Variants in RGS7 observed in about 807,000 individuals in gnomAD.
RGS7 encodes regulator of G protein signaling 7.
Under a neutral mutation model 81.1 loss-of-function variants are expected in RGS7, and 27 were observed. That is an observed-to-expected ratio of 0.33 (90% CI 0.25 to 0.46). The LOEUF is 0.46. RGS7 is among the 20% of genes least tolerant of loss of function. The pLI, the probability that RGS7 is intolerant of heterozygous loss-of-function variation, is 1.00. For missense variants in RGS7, 396 were observed against 607.4 expected (o/e 0.65, Z 3.66); for synonymous variants, 208 against 207.7 (o/e 1.00, Z -0.01).
At chr1:240,951,340 A>G (rs899021887) in intron 4 of RGS7, among the ~76,000 whole-genome samples, 1 of 152,246 alleles carries the variant, frequency 6.6e-6, no homozygotes, top group East Asian at 1.9e-4. Flanking sequence ...GAATTATCAG[A>G]CAGGAAGTTT....
intron 2 of RGS7, among the ~76,000 whole-genome samples, chr1:241,337,462 C>A (rs1476501537): frequency 6.6e-6 from 1 of 152,086 alleles, no homozygotes; most frequent in Non-Finnish European, 1.5e-5. Flanking sequence ...GGTTCCTGCA[C>A]AATTTTTCTT....
intron 3 of RGS7, among the ~76,000 whole-genome samples, chr1:241,032,942 T>C (rs577508637): frequency 2.0e-5 from 3 of 151,010 alleles, no homozygotes; most frequent in Non-Finnish European, 4.4e-5. Context: ...TAATTTGATT[T>C]CCTCTTTTCC....
chr1:240,879,981 T>C (rs1445957472), intron 6 of RGS7, among the ~76,000 whole-genome samples: 1 of 152,238 alleles, frequency 6.6e-6, no homozygotes, highest in Non-Finnish European at 1.5e-5. Flanking sequence ...TTAAAAAGTC[T>C]ATATTTGCTG....
At chr1:241,043,597 AT>A (rs2060744935) in intron 3 of RGS7, among the ~76,000 whole-genome samples, 1 of 146,912 alleles carries the variant, frequency 6.8e-6, no homozygotes, top group South Asian at 2.1e-4. Flanking sequence ...TATTTTATAT[AT>A]TATAATATTA....
intron 9 of RGS7, among the ~76,000 whole-genome samples, chr1:240,853,617 A>T (rs1293688043): frequency 2.0e-5 from 3 of 152,124 alleles, no homozygotes; most frequent in Non-Finnish European, 4.4e-5. Flanking sequence ...ATTTCAAAGC[A>T]TGTTCTGGCC....
At chr1:241,340,816 T>C (rs777945345) in intron 2 of RGS7, among the ~76,000 whole-genome samples, 14 of 138,254 alleles carry the variant, frequency 1.0e-4, no homozygotes, top group Non-Finnish European at 2.2e-4. Context: ...TGGAGGAAAA[T>C]AGGAGAAGTA....
chr1:241,070,757 AGCCC>A (rs2062389454), intron 3 of RGS7, among the ~76,000 whole-genome samples: 1 of 128,982 alleles, frequency 7.8e-6, no homozygotes, highest in Admixed American at 8.3e-5. Flanking sequence ...AAAATACAAC[AGCCC>A]AACAGAAGGC....
intron 3 of RGS7, among the ~76,000 whole-genome samples, chr1:240,995,554 G>T (rs1687149172): frequency 6.6e-6 from 1 of 152,140 alleles, no homozygotes; most frequent in African/African-American, 2.4e-5. Context: ...AGGGTGAGTT[G>T]TAATAGTCTG....
chr1:241,029,762 A>T (rs919081401), intron 3 of RGS7, among the ~76,000 whole-genome samples: 2 of 152,224 alleles, frequency 1.3e-5, no homozygotes, highest in Non-Finnish European at 2.9e-5. Flanking sequence ...TCACAACATC[A>T]GTACACAAAT....
chr1:240,843,695 A>G (rs781656793), intron 9 of RGS7, among the ~76,000 whole-genome samples: 1 of 152,214 alleles, frequency 6.6e-6, no homozygotes, highest in Non-Finnish European at 1.5e-5. Context: ...AGAAATCTAG[A>G]GTTTTTTGTA....
intron 3 of RGS7, among the ~76,000 whole-genome samples, chr1:241,090,970 G>A (rs1002024167): frequency 2.6e-5 from 4 of 152,150 alleles, no homozygotes; most frequent in African/African-American, 9.7e-5. Context: ...ATCATGTGAA[G>A]GACAACTAAC....
intron 3 of RGS7, among the ~76,000 whole-genome samples, chr1:241,029,171 A>G (rs2059943619): frequency 6.6e-6 from 1 of 152,162 alleles, no homozygotes; most frequent in Admixed American, 6.5e-5. Flanking sequence ...AAGTCACTCT[A>G]TAAAGCAGAA....
intron 4 of RGS7, among the ~76,000 whole-genome samples, chr1:240,958,958 G>C (rs1365324581): frequency 6.6e-6 from 1 of 152,200 alleles, no homozygotes; most frequent in Non-Finnish European, 1.5e-5. Flanking sequence ...AGACAGGCAG[G>C]CACGCTGCTT....
chr1:241,235,909 T>TGAGAGAGA (rs1553294805), intron 2 of RGS7, among the ~76,000 whole-genome samples: 2 of 137,902 alleles, frequency 1.5e-5, no homozygotes, highest in Admixed American at 7.2e-5. Flanking sequence ...AGATGCACTT[T>TGAGAGAGA]GAGAGAGAGA....
intron 2 of RGS7, among the ~76,000 whole-genome samples, chr1:241,274,927 T>C (rs1484652412): frequency 6.6e-6 from 1 of 152,254 alleles, no homozygotes; most frequent in Non-Finnish European, 1.5e-5. Flanking sequence ...TGACGAGATA[T>C]TTCCTTATCC....
At chr1:241,047,381 G>A (rs1055413469) in intron 3 of RGS7, among the ~76,000 whole-genome samples, 9 of 151,852 alleles carry the variant, frequency 5.9e-5, no homozygotes, top group African/African-American at 1.7e-4. Context: ...TGTCTTTCCC[G>A]GCTTCCTGGT....
Position 240,776,329 on chromosome 1 carries a change from A to C in RGS7, c.*7-116T>G, listed in dbSNP as rs576924784. 5.1e-6 allele frequency: 4 copies of C among 776,964 alleles called. No homozygotes were observed. The East Asian group carries it at 1.0e-4, about 20-fold the overall frequency. The allele number at this position is 776,964 out of a possible 1,614,324, so 48.1% of individuals were successfully genotyped here. A position where few individuals can be genotyped will look rare whatever the true frequency, so the allele number is the denominator to read the frequency against. On this transcript the variant is annotated intron_variant, in intron 18 of 18. Coordinates refer to ENST00000440928, the MANE Select transcript of RGS7 (RefSeq NM_001364886.1). ...GATTTTTGTGCAAGGTCAACACTGA[A>C]CCCTTTAAGTCCATCTTAGTTCAAA...
chr1:241,088,674 C>T (rs2063624949), intron 3 of RGS7, among the ~76,000 whole-genome samples: 1 of 152,136 alleles, frequency 6.6e-6, no homozygotes, highest in South Asian at 2.1e-4. Context: ...CAGCATATCC[C>T]TCTGAAAATG....
At chr1:241,027,341 A>G (rs2059845127) in intron 3 of RGS7, among the ~76,000 whole-genome samples, 1 of 152,208 alleles carries the variant, frequency 6.6e-6, no homozygotes, top group South Asian at 2.1e-4. Flanking sequence ...ATAAGATCCT[A>G]TAATAAGAAA....
Sources: gnomAD v4.1 joint callset for allele counts (sites outside exome capture counted in the v4.1 genomes callset) on GRCh38, gnomAD v4.1.1 for gene constraint, MANE v1.5 for transcripts, NCBI Gene and HGNC (gene_info 2026-07-23, HGNC 2026-07-21) for gene names.